ERC1: variants seen among roughly 807,000 people sequenced by gnomAD.
ERC1 encodes the protein RAB6 interacting protein 2.
ERC1 carries 56 observed loss-of-function variants against 132.0 expected under a neutral mutation model. That is an observed-to-expected ratio of 0.42 (90% CI 0.34 to 0.53). The LOEUF is 0.53. ERC1 is among the 20% of genes least tolerant of loss of function. The pLI is 0.03. For synonymous variants in ERC1, 478 were observed against 476.1 expected (o/e 1.00, Z -0.05); for missense variants, 1,202 against 1,349.9 (o/e 0.89, Z 1.72).
At chr12:1,027,133 T>C (rs1460794320) in intron 1 of ERC1, among the ~76,000 whole-genome samples, 1 of 152,230 alleles carries the variant, frequency 6.6e-6, no homozygotes, top group Non-Finnish European at 1.5e-5. Context: ...CAAAGTACTT[T>C]TATGGTTTTG....
At chr12:1,210,786 G>A (rs1204474356) in intron 12 of ERC1, among the ~76,000 whole-genome samples, 1 of 152,128 alleles carries the variant, frequency 6.6e-6, no homozygotes, top group African/African-American at 2.4e-5. Flanking sequence ...ACGAGGTCAA[G>A]AGGTAAAGAC....
chr12:1,290,902 C>A (rs527850265), intron 15 of ERC1, among the ~76,000 whole-genome samples: 1 of 152,068 alleles, frequency 6.6e-6, no homozygotes, highest in Non-Finnish European at 1.5e-5. Flanking sequence ...GCCTCAGCAG[C>A]CTTTCACTGT....
At chr12:1,203,285 T>TG (rs1957079414) in intron 12 of ERC1, among the ~76,000 whole-genome samples, 2 of 152,206 alleles carry the variant, frequency 1.3e-5, no homozygotes, top group Non-Finnish European at 2.9e-5. Context: ...CTCAAACTCC[T>TG]GACCTCAGGT....
At chr12:1,479,332 A>G (rs1390492070) in intron 18 of ERC1, among the ~76,000 whole-genome samples, 3 of 152,064 alleles carry the variant, frequency 2.0e-5, no homozygotes, top group Admixed American at 2.0e-4. Context: ...CAGTTTTGAT[A>G]TGGCTTGCAT....
chr12:1,389,977 A>G (rs2089803797), intron 16 of ERC1, among the ~76,000 whole-genome samples: 1 of 152,208 alleles, frequency 6.6e-6, no homozygotes, highest in Admixed American at 6.5e-5. Flanking sequence ...TATTTCATGA[A>G]CTAATCAAAC....
intron 2 of ERC1, among the ~76,000 whole-genome samples, chr12:1,043,973 T>A (rs1443754998): frequency 6.6e-6 from 1 of 152,160 alleles, no homozygotes; most frequent in Non-Finnish European, 1.5e-5. Context: ...TCATACAGCA[T>A]TATATAATTT....
intron 15 of ERC1, among the ~76,000 whole-genome samples, chr12:1,367,517 C>A (rs1466776496): frequency 6.6e-6 from 1 of 152,276 alleles, no homozygotes; most frequent in Middle Eastern, 3.4e-3. Flanking sequence ...AGATTTTTAA[C>A]CACCATATCA....
At chr12:1,410,387 A>G in intron 17 of ERC1, 1 of 1,313,840 alleles carries the variant, frequency 7.6e-7, no homozygotes, top group Non-Finnish European at 1.0e-6. Flanking sequence ...CTCTCCCTGT[A>G]GGATGAGGAG....
chr12:1,161,751 C>A (rs565860738), intron 8 of ERC1, among the ~76,000 whole-genome samples: 1 of 152,174 alleles, frequency 6.6e-6, no homozygotes, highest in South Asian at 2.1e-4. Context: ...GCCTTAAATT[C>A]TGTACTTTGC....
At chr12:1,473,673 T>G (rs1037206161) in intron 18 of ERC1, among the ~76,000 whole-genome samples, 3 of 144,900 alleles carry the variant, frequency 2.1e-5, no homozygotes, top group South Asian at 2.2e-4. Context: ...GAAGGAGAAG[T>G]CCCCACAGCA....
At chr12:1,265,165 G>C (rs962038465) in intron 14 of ERC1, among the ~76,000 whole-genome samples, 7 of 152,118 alleles carry the variant, frequency 4.6e-5, no homozygotes, top group Non-Finnish European at 1.0e-4. Flanking sequence ...GTCACCCAAG[G>C]GTGGAGAGTA....
chr12:1,399,250 C>G (rs1940943313), intron 16 of ERC1, among the ~76,000 whole-genome samples: 1 of 152,034 alleles, frequency 6.6e-6, no homozygotes, highest in Non-Finnish European at 1.5e-5. Flanking sequence ...TCACGCCTGC[C>G]CTCTCTTAAT....
chr12:1,239,143 C>T (rs1444001479), intron 13 of ERC1, among the ~76,000 whole-genome samples: 1 of 152,232 alleles, frequency 6.6e-6, no homozygotes, highest in Non-Finnish European at 1.5e-5. Flanking sequence ...GACAGTCTTA[C>T]TCTGTCACCT....
chr12:1,164,279 A>ATGT (rs1566120626), intron 8 of ERC1, among the ~76,000 whole-genome samples: 190 of 135,474 alleles, frequency 1.4e-3, no homozygotes, highest in African/African-American at 5.3e-3. Flanking sequence ...TTGTTATTTT[A>ATGT]TGTTATTTTA....
intron 17 of ERC1, among the ~76,000 whole-genome samples, chr12:1,438,580 C>T (rs1250095433): frequency 2.0e-5 from 3 of 152,082 alleles, no homozygotes; most frequent in African/African-American, 7.2e-5. Flanking sequence ...ACAGAAGAAT[C>T]GTAGTAGATA....
intron 15 of ERC1, among the ~76,000 whole-genome samples, chr12:1,293,345 C>A (rs564267669): frequency 6.8e-6 from 1 of 147,906 alleles, no homozygotes; most frequent in Admixed American, 6.7e-5. Flanking sequence ...CCCAGCTACT[C>A]GGGAGGCTGA....
intron 15 of ERC1, among the ~76,000 whole-genome samples, chr12:1,318,298 C>T (rs2081902480): frequency 6.6e-6 from 1 of 152,110 alleles, no homozygotes; most frequent in Admixed American, 6.5e-5. Context: ...GGAATTAGAA[C>T]CCTATGGGTA....
At chr12:1,328,038 C>T (rs2082585471) in intron 15 of ERC1, among the ~76,000 whole-genome samples, 1 of 152,192 alleles carries the variant, frequency 6.6e-6, no homozygotes, top group South Asian at 2.1e-4. Flanking sequence ...TATTTTATCA[C>T]TTTGTTTTTG....
intron 2 of ERC1, among the ~76,000 whole-genome samples, chr12:1,030,022 A>G (rs1565818882): frequency 6.6e-6 from 1 of 152,158 alleles, no homozygotes; most frequent in Non-Finnish European, 1.5e-5. Flanking sequence ...TGCTGGGATT[A>G]TAGGCGCGAG....
Sources: allele counts gnomAD v4.1 joint callset (sites outside exome capture counted in the v4.1 genomes callset), GRCh38; gene constraint gnomAD v4.1.1; transcripts MANE v1.5; gene names NCBI Gene and HGNC (gene_info 2026-07-23, HGNC 2026-07-21).